The following TVP23B variants were observed in gnomAD, a reference collection of about 807,000 sequenced individuals.
TVP23B encodes trans-golgi network vesicle protein 23 homolog B.
In TVP23B, 10 loss-of-function variants were observed where a neutral mutation model predicts 30.6. The ratio of observed to expected loss-of-function variants is 0.33; its 90% confidence interval spans 0.20 to 0.55. TVP23B has a LOEUF of 0.55. TVP23B is among the 20% of genes least tolerant of loss of function. The pLI, the probability that TVP23B is intolerant of heterozygous loss-of-function variation, is 0.91. For missense variants in TVP23B, 153 were observed against 243.2 expected (o/e 0.63, Z 2.47); for synonymous variants, 67 against 83.1 (o/e 0.81, Z 1.06).
chr17:18,781,649 G>C, intron 1 of TVP23B: 1 of 372,868 alleles, frequency 2.7e-6, no homozygotes, highest in Non-Finnish European at 4.8e-6. Context: ...CTGACACCCA[G>C]GGGTGCGATG....
In TVP23B at chr17:18,789,406, G is replaced by A. The variant is rs1478270843; in HGVS notation, c.66G>A (p.Thr22=). The A allele has an allele frequency of 2.5e-6, 4 of 1,613,938 alleles. No homozygotes were observed. The highest frequency in any genetic ancestry group is 1.3e-5 in the African/African-American group (1 of 75,028). The change falls in exon 2 of 7, where the codon ACG becomes ACA. Residue 22 remains threonine, a synonymous_variant. Coordinates refer to ENST00000307767, the MANE Select transcript of TVP23B (RefSeq NM_016078.6). The part of the protein sequence containing the change: ...DVSLFDAEEE[T]TNRPRKAKIR... ...CACTGTTTGATGCGGAAGAGGAGAC[G>A]ACTAATAGACCAAGAAAAGCCAAAA...
chr17:18,801,040 G>A (rs1291288590), intron 5 of TVP23B, among the ~76,000 whole-genome samples: 1 of 152,198 alleles, frequency 6.6e-6, no homozygotes, highest in Non-Finnish European at 1.5e-5. Context: ...AATACAACAG[G>A]GGATGTTAGT....
At chr17:18,781,962 C>G (rs2035814286) in intron 1 of TVP23B, 1 of 146,998 alleles carries the variant, frequency 6.8e-6, no homozygotes, top group Non-Finnish European at 1.5e-5. Context: ...TTTCTTGCCC[C>G]GTATTTTTGG....
At chr17:18,786,233 A>C (rs1306702736) in intron 1 of TVP23B, among the ~76,000 whole-genome samples, 2 of 151,838 alleles carry the variant, frequency 1.3e-5, no homozygotes, top group Non-Finnish European at 1.5e-5. Flanking sequence ...ACTTAATCTC[A>C]TCTGTGAAAT....
At chr17:18,793,595 CAAAA>C (rs71155356) in intron 3 of TVP23B, among the ~76,000 whole-genome samples, 1 of 86,870 alleles carries the variant, frequency 1.2e-5, no homozygotes, top group East Asian at 3.7e-4. Flanking sequence ...GACTCCATCT[CAAAA>C]AAAAAAAAAA....
intron 1 of TVP23B, among the ~76,000 whole-genome samples, chr17:18,787,134 C>T (rs1311736179): frequency 6.6e-6 from 1 of 152,064 alleles, no homozygotes; most frequent in Non-Finnish European, 1.5e-5. Context: ...GTGGCTCACA[C>T]CTATAATCCC....
intron 3 of TVP23B, chr17:18,796,294 C>G (rs2036075097): frequency 6.6e-6 from 1 of 152,244 alleles, no homozygotes; most frequent in East Asian, 1.9e-4. Context: ...CCTGTAATCC[C>G]AGCACTTTGG....
chr17:18,781,449 G>A, intron 1 of TVP23B, 144 bp downstream of exon 1: 2 of 1,426,412 alleles, frequency 1.4e-6, no homozygotes, highest in Non-Finnish European at 1.9e-6. Flanking sequence ...GCTGTGGGTA[G>A]TTGTCTGAGG....
chr17:18,787,095 C>T, intron 1 of TVP23B, among the ~76,000 whole-genome samples: 1 of 151,482 alleles, frequency 6.6e-6, no homozygotes, highest in Non-Finnish European at 1.5e-5. Flanking sequence ...GGATTTACTA[C>T]AATGCAAAGA....
intron 3 of TVP23B, among the ~76,000 whole-genome samples, chr17:18,792,045 T>A (rs2151846733): frequency 6.6e-6 from 1 of 152,186 alleles, no homozygotes; most frequent in African/African-American, 2.4e-5. Context: ...TAATTCTTTT[T>A]TTTTTGAGAC....
intron 1 of TVP23B, among the ~76,000 whole-genome samples, chr17:18,784,611 A>G (rs1340549314): frequency 9.2e-5 from 14 of 152,152 alleles, no homozygotes; most frequent in Non-Finnish European, 1.8e-4. Flanking sequence ...AGATCACGCC[A>G]TTGCACTCCA....
intron 5 of TVP23B, 107 bp downstream of exon 5, chr17:18,799,050 T>C: frequency 1.5e-6 from 2 of 1,338,628 alleles, no homozygotes; most frequent in Non-Finnish European, 2.0e-6. Flanking sequence ...CTATCTTGAA[T>C]AGGCAGCTTC....
At chr17:18,793,086 T>C (rs543126770) in intron 3 of TVP23B, among the ~76,000 whole-genome samples, 1 of 152,234 alleles carries the variant, frequency 6.6e-6, no homozygotes, top group African/African-American at 2.4e-5. Context: ...TAAGAAAGTT[T>C]ACAAATTTCT....
chr17:18,783,225 C>A (rs2035837723), intron 1 of TVP23B, among the ~76,000 whole-genome samples: 1 of 152,078 alleles, frequency 6.6e-6, no homozygotes, highest in Non-Finnish European at 1.5e-5. Context: ...TCTGCCTCAC[C>A]CTCCAGAGTA....
intron 3 of TVP23B, 180 bp from the exon 4 acceptor site, chr17:18,797,399 C>T: frequency 1.6e-6 from 2 of 1,242,840 alleles, no homozygotes; most frequent in African/African-American, 3.0e-5. Flanking sequence ...ATTAGTCCTG[C>T]CATTACCATT....
At chr17:18,781,925 G>C (rs1415401353) in intron 1 of TVP23B, 1 of 148,948 alleles carries the variant, frequency 6.7e-6, no homozygotes, top group African/African-American at 2.5e-5. Flanking sequence ...TAGGCCCAGG[G>C]ATAGGGTTGT....
rs1169004762 is a variant in TVP23B at position 18,781,230 on chromosome 17, G to T, written c.-64G>T. On this transcript the variant is annotated 5_prime_UTR_variant, in exon 1 of 7. Transcript: ENST00000307767. ...CTTGGTGACGGGTCGCCTCAGTTCC[G>T]ACCCGGACCCGTACGCTGCTGCGCT... is the stretch of plus-strand genomic sequence containing the variant. 4 of 1,550,406 alleles carry T rather than the reference G, an allele frequency of 2.6e-6. No individual in the cohort carries two copies. In the East Asian group the frequency reaches 9.7e-5, roughly 38 times the overall value.
chr17:18,804,166 A>G lies in TVP23B; in HGVS notation c.491A>G (p.Gln164Arg). Residue 164 changes from glutamine to arginine, a missense_variant, in exon 6 of 7, where the codon CAA (glutamine) becomes CGA (arginine). Coordinates refer to ENST00000307767, the MANE Select transcript of TVP23B (RefSeq NM_016078.6). ...GTGGTTATCATGGGTGTGGTGCTAC[A>G]AGGTGCCAACCTGTATGGTTACATC... ...LAVVIMGVVL[Q>R]GANLYGYIRC... 6.2e-7 allele frequency: 1 copy of G among 1,613,808 alleles called. No individual in the cohort carries two copies. The highest frequency in any genetic ancestry group is 8.5e-7 in the Non-Finnish European group (1 of 1,179,820).
At chr17:18,790,031 T>G (rs2035967296) in intron 2 of TVP23B, among the ~76,000 whole-genome samples, 1 of 152,188 alleles carries the variant, frequency 6.6e-6, no homozygotes, top group South Asian at 2.1e-4. Flanking sequence ...GGTACAAAGA[T>G]TCTGTCTGGG....
Sources: gnomAD v4.1 joint callset for allele counts (sites outside exome capture counted in the v4.1 genomes callset) on GRCh38, gnomAD v4.1.1 for gene constraint, MANE v1.5 for transcripts, NCBI Gene and HGNC (gene_info 2026-07-23, HGNC 2026-07-21) for gene names.